CSMD1: variants seen among roughly 807,000 people sequenced by gnomAD.
CSMD1 encodes CUB and sushi domain-containing protein 1.
In CSMD1, 213 loss-of-function variants were observed where a neutral mutation model predicts 417.5. The observed-to-expected ratio is 0.51, with a 90% CI of 0.46 to 0.57. CSMD1 has a LOEUF of 0.57. Ranked by LOEUF, CSMD1 falls within the 20% of genes least tolerant of loss-of-function variation. CSMD1 has a pLI of 0.00. For missense variants in CSMD1, 6,923 were observed against 4,529.7 expected (o/e 1.53, Z -15.17); for synonymous variants, 2,862 against 1,736.8 (o/e 1.65, Z -16.11).
intron 2 of CSMD1, among the ~76,000 whole-genome samples, chr8:4,422,957 A>C (rs946386667): frequency 6.6e-6 from 1 of 151,948 alleles, no homozygotes; most frequent in African/African-American, 2.4e-5. Context: ...TGTAGAAAAA[A>C]ACATTTGACA....
chr8:3,777,434 C>T (rs1798952785), intron 5 of CSMD1, among the ~76,000 whole-genome samples: 1 of 152,168 alleles, frequency 6.6e-6, no homozygotes, highest in South Asian at 2.1e-4. Flanking sequence ...TGTCAGGCCT[C>T]AGGCAGGCTT....
chr8:3,873,021 C>T (rs1248177872), intron 5 of CSMD1, among the ~76,000 whole-genome samples: 2 of 151,900 alleles, frequency 1.3e-5, no homozygotes, highest in South Asian at 4.2e-4. Context: ...TCACACTACT[C>T]AGAATTGTTG....
chr8:3,979,944 T>C (rs1276762107), intron 5 of CSMD1, among the ~76,000 whole-genome samples: 3 of 152,336 alleles, frequency 2.0e-5, no homozygotes, highest in South Asian at 2.1e-4. Flanking sequence ...ATATGAACTA[T>C]AGCTTCAGCC....
intron 3 of CSMD1, among the ~76,000 whole-genome samples, chr8:4,357,357 A>G (rs868137489): frequency 3.9e-4 from 59 of 152,298 alleles, no homozygotes; most frequent in African/African-American, 1.4e-3. Flanking sequence ...ACAGGATCGT[A>G]GAGCTGAGCC....
intron 2 of CSMD1, among the ~76,000 whole-genome samples, chr8:4,606,095 T>A (rs1230566610): frequency 6.6e-6 from 1 of 152,120 alleles, no homozygotes; most frequent in East Asian, 1.9e-4. Context: ...TATCTCACGT[T>A]CAAAATTGAT....
intron 5 of CSMD1, among the ~76,000 whole-genome samples, chr8:3,879,965 G>T (rs1224840493): frequency 6.6e-6 from 1 of 152,078 alleles, no homozygotes; most frequent in African/African-American, 2.4e-5. Context: ...TGATGGGTTA[G>T]AATTGTATTA....
At chr8:4,451,278 C>T (rs1366648773) in intron 2 of CSMD1, among the ~76,000 whole-genome samples, 1 of 152,130 alleles carries the variant, frequency 6.6e-6, no homozygotes, top group Admixed American at 6.5e-5. Context: ...CGGCAGTGAT[C>T]CAACCAATCA....
At chr8:3,625,652 TA>T (rs201938461) in intron 7 of CSMD1, among the ~76,000 whole-genome samples, 33 of 151,914 alleles carry the variant, frequency 2.2e-4, no homozygotes, top group East Asian at 1.4e-3. Context: ...AATGATACAC[TA>T]AAAAAAATAA....
chr8:4,084,099 C>T (rs534317743), intron 3 of CSMD1, among the ~76,000 whole-genome samples: 17 of 152,058 alleles, frequency 1.1e-4, no homozygotes, highest in East Asian at 1.9e-4. Flanking sequence ...TATTTGTCTT[C>T]GGAAAGGTAA....
At chr8:4,591,495 A>G (rs1315510702) in intron 2 of CSMD1, among the ~76,000 whole-genome samples, 1 of 152,210 alleles carries the variant, frequency 6.6e-6, no homozygotes, top group East Asian at 1.9e-4. Context: ...CCTGCATGGT[A>G]GGTCCAGGGA....
chr8:4,839,925 A>G (rs7000406), intron 1 of CSMD1, among the ~76,000 whole-genome samples: 75,507 of 151,998 alleles, frequency 0.5, 19,976 homozygotes, highest in East Asian at 0.7. Flanking sequence ...CCTCAATACA[A>G]CTCTACAACA....
At chr8:3,355,189 A>C (rs1808701115) in intron 21 of CSMD1, among the ~76,000 whole-genome samples, 1 of 151,714 alleles carries the variant, frequency 6.6e-6, no homozygotes, top group African/African-American at 2.4e-5. Context: ...TCTCACTTTC[A>C]TTCATTTTTT....
intron 3 of CSMD1, among the ~76,000 whole-genome samples, chr8:4,220,883 G>A (rs186586781): frequency 6.6e-6 from 1 of 152,198 alleles, no homozygotes; most frequent in Non-Finnish European, 1.5e-5. Flanking sequence ...GAAGATTTGG[G>A]ACTGGATGTG....
At chr8:3,979,643 C>T (rs1283045174) in intron 5 of CSMD1, among the ~76,000 whole-genome samples, 1 of 152,176 alleles carries the variant, frequency 6.6e-6, no homozygotes, top group East Asian at 1.9e-4. Flanking sequence ...AGAGCTCTCT[C>T]CCCGCCTTGT....
intron 26 of CSMD1, among the ~76,000 whole-genome samples, chr8:3,281,407 G>A (rs1802727721): frequency 6.6e-6 from 1 of 152,110 alleles, no homozygotes; most frequent in South Asian, 2.1e-4. Context: ...TCATGCCACT[G>A]CACTCCAGCC....
At chr8:4,386,954 G>C (rs1054677146) in intron 3 of CSMD1, among the ~76,000 whole-genome samples, 1 of 152,174 alleles carries the variant, frequency 6.6e-6, no homozygotes, top group African/African-American at 2.4e-5. Context: ...ATCATGAAGT[G>C]TAATATGTTA....
chr8:4,119,622 G>A (rs573306579), intron 3 of CSMD1, among the ~76,000 whole-genome samples: 2 of 151,986 alleles, frequency 1.3e-5, no homozygotes, highest in Admixed American at 1.3e-4. Flanking sequence ...CTTCTGCTCT[G>A]TCTGTGCTCT....
intron 3 of CSMD1, among the ~76,000 whole-genome samples, chr8:4,380,491 A>G (rs1803031665): frequency 6.6e-6 from 1 of 152,216 alleles, no homozygotes; most frequent in Non-Finnish European, 1.5e-5. Flanking sequence ...AGACAAGGAA[A>G]ACCTGAGAAA....
At chr8:3,377,122 C>A (rs574750575) in intron 18 of CSMD1, among the ~76,000 whole-genome samples, 37 of 148,802 alleles carry the variant, frequency 2.5e-4, no homozygotes, top group African/African-American at 8.2e-4. Context: ...GATCCCCCTG[C>A]CTCAGCGTCC....
Sources: allele counts gnomAD v4.1 joint callset (sites outside exome capture counted in the v4.1 genomes callset), GRCh38; gene constraint gnomAD v4.1.1; transcripts MANE v1.5; gene names NCBI Gene and HGNC (gene_info 2026-07-23, HGNC 2026-07-21).